SPG11: variants seen among roughly 807,000 people sequenced by gnomAD.
The protein encoded by SPG11 is SPG11 vesicle trafficking associated, spatacsin, also known as spatacsin.
SPG11 carries 222 observed loss-of-function variants against 274.0 expected under a neutral mutation model. That is an observed-to-expected ratio of 0.81 (90% confidence interval 0.73 to 0.91). SPG11 has a LOEUF of 0.91. SPG11 is among the 40% of genes least tolerant of loss of function. The pLI is 0.00. For synonymous variants in SPG11, 1,144 were observed against 1,039.7 expected (o/e 1.10, Z -1.93); for missense variants, 3,114 against 2,872.7 (o/e 1.08, Z -1.92).
chr15:44,626,411 T>TA lies in SPG11; in HGVS notation c.2163dup (p.Ile722TyrfsTer10), dbSNP rs312262738. 2 of 1,613,972 alleles carry TA rather than the reference T, an allele frequency of 1.2e-6. No individual in the cohort carries two copies. Among genetic ancestry groups the TA allele is most frequent in the East Asian group, 4.5e-5 (2 of 44,838 alleles). On this transcript the variant is annotated frameshift_variant, in exon 11 of 40. Transcript: ENST00000261866. LOFTEE classifies it high-confidence loss of function. ...AAGACCAAATTTAGGCCTATGCCAATAAGCTCCTCAAGTTTTTGAGCAGAA... is the reference window on the plus strand; with the variant it reads ...AAGACCAAATTTAGGCCTATGCCAATAAAGCTCCTCAAGTTTTTGAGCAGAA...
chr15:44,587,651 G>C (rs1255859065), intron 28 of SPG11, among the ~76,000 whole-genome samples: 1 of 134,104 alleles, frequency 7.5e-6, no homozygotes, highest in African/African-American at 2.9e-5. Context: ...AGCTGAGAAC[G>C]TGCCACTGCA....
At position 44,638,499 on chromosome 15, in the gene SPG11, A is replaced by AC. The variant is rs1567181618; in HGVS notation, c.1603-4863_1603-4862insG. ...AAACAAACAACAAAAAAAACCACAAAACCCCCCCCCCCAACACACACAACA... is the reference window on the plus strand; with the variant it reads ...AAACAAACAACAAAAAAAACCACAAACACCCCCCCCCCCAACACACACAACA... On this transcript the variant is annotated intron_variant, in intron 7 of 39. Transcript: ENST00000261866. 1.5e-3 allele frequency among the ~76,000 whole-genome samples: 181 copies of AC among 121,232 alleles called. 1 individual carries two copies. Among genetic ancestry groups the AC allele is most frequent in the African/African-American group, 4.1e-3 (138 of 33,490 alleles). The allele number at this position is 121,232 out of a possible 152,430, so 79.5% of individuals were successfully genotyped here.
intron 1 of SPG11, 68 bp downstream of exon 1, chr15:44,663,323 T>C (rs1304024351): frequency 2.1e-5 from 33 of 1,553,496 alleles, no homozygotes; most frequent in Non-Finnish European, 2.6e-5. Context: ...GCGTGAGCCC[T>C]TGGGGCTCAG....
intron 25 of SPG11, 82 bp downstream of exon 25, chr15:44,596,001 T>A: frequency 6.4e-7 from 1 of 1,568,022 alleles, no homozygotes; most frequent in South Asian, 1.1e-5. Flanking sequence ...TCACCCCACT[T>A]CTGATTATCA....
At chr15:44,588,702 T>C in intron 28 of SPG11, 1 of 411,352 alleles carries the variant, frequency 2.4e-6, no homozygotes. Flanking sequence ...AAATAGCTTG[T>C]TTACTCATGT....
intron 7 of SPG11, among the ~76,000 whole-genome samples, chr15:44,647,833 T>G (rs1221065639): frequency 6.6e-6 from 1 of 152,246 alleles, no homozygotes; most frequent in African/African-American, 2.4e-5. Context: ...TTAGTGGTGA[T>G]GGCTGCACAA....
At chr15:44,578,320 C>T (rs956193982) in intron 30 of SPG11, among the ~76,000 whole-genome samples, 2 of 151,836 alleles carry the variant, frequency 1.3e-5, no homozygotes, top group East Asian at 1.9e-4. Context: ...CGTGAGCCAC[C>T]GCGCCTGGCC....
chr15:44,593,196 T>C (rs764050969), intron 26 of SPG11, among the ~76,000 whole-genome samples: 1 of 152,142 alleles, frequency 6.6e-6, no homozygotes, highest in African/African-American at 2.4e-5. Flanking sequence ...TTTATTATTA[T>C]TTTTTATTAT....
chr15:44,636,958 C>CAAAAAAAAAAAAAAAAAAA (rs1328250311), intron 7 of SPG11, among the ~76,000 whole-genome samples: 3 of 89,100 alleles, frequency 3.4e-5, no homozygotes, highest in East Asian at 3.2e-4. Context: ...AAAAAAAAAA[C>CAAAAAAAAAAAAAAAAAAA]AAAAAAAAAA....
chr15:44,613,284 T>C (rs2083505897), intron 17 of SPG11, 146 bp downstream of exon 17: 2 of 651,306 alleles, frequency 3.1e-6, no homozygotes, highest in Non-Finnish European at 5.5e-6. Flanking sequence ...CTTCTGCTTC[T>C]TACCTCAAGT....
At chr15:44,634,932 A>G (rs767691642) in intron 7 of SPG11, among the ~76,000 whole-genome samples, 1 of 151,966 alleles carries the variant, frequency 6.6e-6, no homozygotes, top group Non-Finnish European at 1.5e-5. Flanking sequence ...TTTTTTAAGT[A>G]TGATGGCCAG....
At position 44,660,427 on chromosome 15, in the gene SPG11, C is replaced by T. The variant is rs752482400; in HGVS notation, c.442+5G>A. ...TATGCTGAAAGACCACCTGTAGATA[C>T]TTACTGATATCTTGATCGTCAATGA... On this transcript the variant is annotated splice_donor_5th_base_variant and intron_variant, in intron 2 of 39. Coordinates refer to ENST00000261866, the MANE Select transcript of SPG11 (RefSeq NM_025137.4). The T allele has an allele frequency of 1.9e-6, 3 of 1,612,460 alleles. No homozygotes were observed. Among genetic ancestry groups the T allele is most frequent in the Non-Finnish European group, 2.5e-6 (3 of 1,179,014 alleles).
intron 9 of SPG11, 35 bp downstream of exon 9, chr15:44,629,198 A>G (rs770388497): frequency 2.0e-5 from 32 of 1,607,996 alleles, no homozygotes; most frequent in Non-Finnish European, 2.6e-5. Flanking sequence ...ACACAGGAAC[A>G]GTAGAATTGC....
At chr15:44,638,419 CACCTGCACTCCA>C (rs941247236) in intron 7 of SPG11, among the ~76,000 whole-genome samples, 68 of 152,096 alleles carry the variant, frequency 4.5e-4, no homozygotes, top group African/African-American at 1.6e-3. Context: ...AAGATCGTGC[CACCTGCACTCCA>C]GCCTGGGCGA....
intron 19 of SPG11, among the ~76,000 whole-genome samples, chr15:44,606,320 C>A (rs2140994964): frequency 6.6e-6 from 1 of 152,186 alleles, no homozygotes; most frequent in Non-Finnish European, 1.5e-5. Flanking sequence ...AAAGACTCTC[C>A]TTATGTCAAA....
chr15:44,596,649 C>A (rs938225902), intron 24 of SPG11, 135 bp downstream of exon 24: 3 of 691,002 alleles, frequency 4.3e-6, no homozygotes, highest in East Asian at 6.8e-5. Context: ...GTATCCAGTA[C>A]GTATCCTGGT....
chr15:44,612,542 G>A (rs990478024), intron 17 of SPG11, among the ~76,000 whole-genome samples: 3 of 151,978 alleles, frequency 2.0e-5, no homozygotes, highest in South Asian at 2.1e-4. Context: ...GGGACTACAG[G>A]AGCATGCCAC....
At chr15:44,570,287 G>C (rs1331887136) in intron 34 of SPG11, among the ~76,000 whole-genome samples, 1 of 152,206 alleles carries the variant, frequency 6.6e-6, no homozygotes, top group African/African-American at 2.4e-5. Flanking sequence ...GGGGTGGGAT[G>C]GCCCTGGAAC....
chr15:44,634,292 C>T (rs1387662534), intron 7 of SPG11, among the ~76,000 whole-genome samples: 5 of 152,028 alleles, frequency 3.3e-5, no homozygotes. Flanking sequence ...TATGGCAGTA[C>T]AATATAAAGT....
Sources: gnomAD v4.1 joint callset for allele counts (sites outside exome capture counted in the v4.1 genomes callset) on GRCh38, gnomAD v4.1.1 for gene constraint, MANE v1.5 for transcripts, NCBI Gene and HGNC (gene_info 2026-07-23, HGNC 2026-07-21) for gene names.